The following ADAMTS12 variants were observed in gnomAD, a reference collection of about 807,000 sequenced individuals.
ADAMTS12 encodes the protein A disintegrin and metalloproteinase with thrombospondin motifs 12.
ADAMTS12 carries 118 observed loss-of-function variants against 167.8 expected under a neutral mutation model. The ratio of observed to expected loss-of-function variants is 0.70; its 90% CI spans 0.61 to 0.82. The LOEUF (loss-of-function observed/expected upper bound fraction) is 0.82. Ranked by LOEUF, ADAMTS12 falls within the 40% of genes least tolerant of loss-of-function variation. The pLI, the probability that ADAMTS12 is intolerant of heterozygous loss-of-function variation, is 0.00. For missense variants in ADAMTS12, 1,916 were observed against 1,998.8 expected, an observed-to-expected ratio of 0.96 and a Z score of 0.79; for synonymous variants, 704 against 716.9, an observed-to-expected ratio of 0.98 and a Z score of 0.29.
intron 12 of ADAMTS12, among the ~76,000 whole-genome samples, chr5:33,636,023 T>C (rs1579782026): frequency 6.6e-6 from 1 of 152,218 alleles, no homozygotes; most frequent in African/African-American, 2.4e-5. Context: ...TGTCAACTTG[T>C]ATAACGCTCA....
intron 16 of ADAMTS12, among the ~76,000 whole-genome samples, chr5:33,613,439 G>A (rs1333555914): frequency 6.6e-6 from 1 of 152,162 alleles, no homozygotes; most frequent in Non-Finnish European, 1.5e-5. Context: ...TCCCTTTGCA[G>A]TTAGATGGTG....
At chr5:33,742,731 T>G (rs1413870499) in intron 3 of ADAMTS12, among the ~76,000 whole-genome samples, 2 of 152,212 alleles carry the variant, frequency 1.3e-5, no homozygotes, top group African/African-American at 4.8e-5. Context: ...TAATCACTAA[T>G]GAAGCTATAA....
At chr5:33,573,517 T>C (rs1384310984) in intron 19 of ADAMTS12, among the ~76,000 whole-genome samples, 1 of 152,170 alleles carries the variant, frequency 6.6e-6, no homozygotes, top group Non-Finnish European at 1.5e-5. Context: ...ATTTAATAAA[T>C]GGTGCTGGGA....
At position 33,534,850 on chromosome 5, in the gene ADAMTS12, G is replaced by C; in HGVS notation, c.4589C>G (p.Ala1530Gly). 1 of 1,613,602 alleles carries C rather than the reference G, an allele frequency of 6.2e-7. No individual in the cohort carries two copies. The highest frequency in any genetic ancestry group is 8.5e-7 in the Non-Finnish European group (1 of 1,179,842). Residue 1530 changes from alanine (A) to glycine (G), a missense_variant, in exon 23 of 24, where the codon GCC becomes GGC. Coordinates refer to ENST00000504830, the MANE Select transcript of ADAMTS12 (RefSeq NM_030955.4). ...PPEFKKCNQQ[A>G]CKKSADLLCT... ...TCACCCACCGGCACTTTTCTTGCAG[G>C]CCTGCTGGTTGCATTTTTTGAATTC... is the stretch of plus-strand genomic sequence containing the variant.
At chr5:33,641,312 T>G (rs903903954) in intron 11 of ADAMTS12, among the ~76,000 whole-genome samples, 1 of 152,176 alleles carries the variant, frequency 6.6e-6, no homozygotes, top group African/African-American at 2.4e-5. Context: ...ATAAAAATCC[T>G]TATCGAAAAA....
At chr5:33,637,851 C>T in intron 11 of ADAMTS12, 105 bp from the exon 12 acceptor site, 1 of 1,200,518 alleles carries the variant, frequency 8.3e-7, no homozygotes, top group South Asian at 1.6e-5. Context: ...TCTCTCTATG[C>T]CCTCAAAACT....
At chr5:33,861,454 G>C (rs1749614141) in intron 2 of ADAMTS12, among the ~76,000 whole-genome samples, 1 of 152,176 alleles carries the variant, frequency 6.6e-6, no homozygotes, top group Non-Finnish European at 1.5e-5. Context: ...ATGGTAAAGA[G>C]ATCAATGCAA....
intron 14 of ADAMTS12, among the ~76,000 whole-genome samples, chr5:33,619,582 T>C (rs1739203440): frequency 6.6e-6 from 1 of 152,200 alleles, no homozygotes; most frequent in Non-Finnish European, 1.5e-5. Context: ...AAATCATACC[T>C]TACAGGTATT....
At chr5:33,837,074 G>A (rs369404782) in intron 2 of ADAMTS12, among the ~76,000 whole-genome samples, 41 of 152,238 alleles carry the variant, frequency 2.7e-4, no homozygotes, top group African/African-American at 8.7e-4. Context: ...AGAACAATGG[G>A]AAAACCCTGG....
At chr5:33,546,422 T>C (rs1030012078) in intron 21 of ADAMTS12, among the ~76,000 whole-genome samples, 1 of 152,074 alleles carries the variant, frequency 6.6e-6, no homozygotes, top group Non-Finnish European at 1.5e-5. Context: ...GGTGGAAATA[T>C]TGATGAAGCA....
chr5:33,692,810 A>G (rs1742597438), intron 3 of ADAMTS12, among the ~76,000 whole-genome samples: 1 of 152,224 alleles, frequency 6.6e-6, no homozygotes, highest in Non-Finnish European at 1.5e-5. Flanking sequence ...CTGATTTCCC[A>G]CAATGGCTTC....
intron 2 of ADAMTS12, among the ~76,000 whole-genome samples, chr5:33,831,919 G>A (rs951875051): frequency 6.6e-6 from 1 of 152,300 alleles, no homozygotes; most frequent in Admixed American, 6.5e-5. Flanking sequence ...GACTCCTGAC[G>A]CCTAGAAAGC....
chr5:33,796,053 C>A (rs949295619), intron 2 of ADAMTS12, among the ~76,000 whole-genome samples: 6 of 152,194 alleles, frequency 3.9e-5, no homozygotes, highest in African/African-American at 1.4e-4. Context: ...AACAATGTTG[C>A]CTGTGGCATT....
At chr5:33,557,886 C>T (rs1024266541) in intron 20 of ADAMTS12, among the ~76,000 whole-genome samples, 2 of 152,056 alleles carry the variant, frequency 1.3e-5, no homozygotes, top group Non-Finnish European at 2.9e-5. Flanking sequence ...GCATTAGATT[C>T]TCATAGGGAT....
intron 5 of ADAMTS12, among the ~76,000 whole-genome samples, chr5:33,665,409 A>G (rs544842305): frequency 3.3e-5 from 5 of 152,354 alleles, no homozygotes; most frequent in African/African-American, 1.2e-4. Flanking sequence ...TACAAAAAAG[A>G]AAGCATACAA....
rs549716298 is a variant in ADAMTS12 at position 33,524,930 on chromosome 5, C to G, written c.*2258G>C. ...TCTCCACCACGTGGATTGTAAATAACGTGGTCCATTTTGTACACGGAGAAA... is the reference window on the plus strand; with the variant it reads ...TCTCCACCACGTGGATTGTAAATAAGGTGGTCCATTTTGTACACGGAGAAA... On this transcript the variant is annotated 3_prime_UTR_variant, in exon 24 of 24. Transcript: ENST00000504830. 2 of 152,332 alleles carry G rather than the reference C, an allele frequency of 1.3e-5. No individual in the cohort carries two copies. The highest frequency in any genetic ancestry group is 4.1e-4 in the South Asian group (2 of 4,822). The allele number at this position is 152,332 out of a possible 1,614,324, so 9.4% of individuals were successfully genotyped here. A position where few individuals can be genotyped will look rare whatever the true frequency, so the allele number is the denominator to read the frequency against.
intron 2 of ADAMTS12, among the ~76,000 whole-genome samples, chr5:33,872,546 GAA>G (rs61345844): frequency 0.012 from 1,688 of 141,946 alleles, 35 homozygotes; most frequent in African/African-American, 0.041. Context: ...GACTTCATCT[GAA>G]AAAAAAAAAA....
At chr5:33,558,762 G>A (rs893053419) in intron 20 of ADAMTS12, among the ~76,000 whole-genome samples, 8 of 152,160 alleles carry the variant, frequency 5.3e-5, no homozygotes, top group Non-Finnish European at 1.0e-4. Context: ...TTAGGACTTG[G>A]TCAACATTTG....
At chr5:33,857,909 T>C (rs1749467363) in intron 2 of ADAMTS12, among the ~76,000 whole-genome samples, 1 of 152,250 alleles carries the variant, frequency 6.6e-6, no homozygotes, top group Non-Finnish European at 1.5e-5. Context: ...TTCACAATTA[T>C]GGTTGGAGAC....
Sources: gnomAD v4.1 joint callset for allele counts (sites outside exome capture counted in the v4.1 genomes callset) on GRCh38, gnomAD v4.1.1 for gene constraint, MANE v1.5 for transcripts, NCBI Gene and HGNC (gene_info 2026-07-23, HGNC 2026-07-21) for gene names.